Variants in KMT2B observed in about 807,000 individuals in gnomAD.
The protein encoded by KMT2B is histone-lysine N-methyltransferase 2B.
A neutral mutation model predicts 255.3 loss-of-function variants in KMT2B; 22 were observed. The observed-to-expected ratio is 0.09, with a 90% CI of 0.06 to 0.12. KMT2B has a LOEUF of 0.12. KMT2B is among the 10% of genes least tolerant of loss of function. The probability of loss-of-function intolerance (pLI) is 1.00; values close to 1 mark genes in which losing one functional copy is unlikely to be tolerated. For synonymous variants in KMT2B, 1,730 were observed against 1,498.1 expected (o/e 1.15, Z -3.57); for missense variants, 3,149 against 3,737.0 (o/e 0.84, Z 4.10).
At position 35,727,630 on chromosome 19, in the gene KMT2B, G is replaced by T; in HGVS notation, c.4302+8G>T. 6.2e-7 allele frequency: 1 copy of T among 1,610,262 alleles called. No homozygotes were observed. ...CTGCTGCTCTGCACCCAGGTCTGGA[G>T]GGCCCTGGAGGCAGGATGGGCCGGG... On this transcript the variant is annotated splice_region_variant and intron_variant, in intron 16 of 36. Transcript: ENST00000420124. This position sits in a 1 kb window ranked among gnomAD's most constrained non-coding sequence, Gnocchi z 4.2.
At position 35,732,074 on chromosome 19, in the gene KMT2B, C is replaced by T; in HGVS notation, c.5604C>T (p.Pro1868=). ...TTTCGGGGGCTCGAATCAAAGTGCC[C>T]AACTACTCGCCATCCCGGAGGCCCT... The part of the protein sequence containing the change: ...RSFSGARIKV[P]NYSPSRRPLG... The change falls in exon 27 of 37, where the codon CCC becomes CCT. Residue 1868 remains proline (P), a synonymous_variant. Coordinates refer to ENST00000420124, the MANE Select transcript of KMT2B (RefSeq NM_014727.3). 1.2e-6 allele frequency: 2 copies of T among 1,609,898 alleles called. No homozygotes were observed. The highest frequency in any genetic ancestry group is 8.5e-7 in the Non-Finnish European group (1 of 1,178,282).
At chr19:35,729,861 T>C in intron 22 of KMT2B, 106 bp from the exon 23 acceptor site, 2 of 1,170,326 alleles carry the variant, frequency 1.7e-6, no homozygotes, top group Admixed American at 2.2e-5. Flanking sequence ...AGGGAGAGCC[T>C]TTGCCGTGCC....
rs761123223 is a variant in KMT2B at position 35,730,862 on chromosome 19, C to A, written c.5432C>A (p.Ser1811Tyr). ...NQTIVHSPAP[S>Y]SEPPGGEDPP... ...ACCATTGTGCACAGCCCCGCCCCTT[C>A]CTCAGGTGTGGCTTTGGCTCTGTCT... Residue 1811 changes from serine (S) to tyrosine (Y), a missense_variant, in exon 26 of 37, where the codon TCC becomes TAC. Around this residue, in one of 18 missense-constraint regions of KMT2B, gnomAD observed 897 missense variants for 825.3 expected, o/e 1.09. Transcript: ENST00000420124. The A allele has an allele frequency of 6.2e-7, 1 of 1,603,612 alleles. No individual in the cohort carries two copies. The highest frequency in any genetic ancestry group is 1.3e-5 in the African/African-American group (1 of 74,830).
chr19:35,721,615 A>G lies in KMT2B; in HGVS notation c.2268A>G (p.Pro756=), dbSNP rs1969214132. 1.2e-6 allele frequency: 2 copies of G among 1,611,610 alleles called. No individual in the cohort carries two copies. Among genetic ancestry groups the G allele is most frequent in the African/African-American group, 1.3e-5 (1 of 74,818 alleles). Residue 756 remains proline, a synonymous_variant, in exon 3 of 37, where the codon CCA becomes CCG. Transcript: ENST00000420124. ...TCCTGCCCCAGGCACTACCGCCACC[A>G]CAGCCACAGCTGCAGCCACCGCCGT... ...TQLLPQALPP[P]QPQLQPPPSP...
intron 19 of KMT2B, 82 bp downstream of exon 19, chr19:35,728,253 G>A (rs1969548579): frequency 4.9e-6 from 6 of 1,215,154 alleles, no homozygotes; most frequent in Non-Finnish European, 5.9e-6. Flanking sequence ...GGGCTGAGAA[G>A]AGATGAGCAG....
Position 35,719,777 on chromosome 19 carries a change from C to T in KMT2B, c.437-7C>T. On this transcript the variant is annotated splice_region_variant and splice_polypyrimidine_tract_variant and intron_variant, in intron 2 of 36. Coordinates refer to ENST00000420124, the MANE Select transcript of KMT2B (RefSeq NM_014727.3). ...GATCCATCTCCCCACAACTATTCTCCTTTTAGGTCGAGCGCCCCGAGGTCG... is the reference window on the plus strand; with the variant it reads ...GATCCATCTCCCCACAACTATTCTCTTTTTAGGTCGAGCGCCCCGAGGTCG... The T allele has an allele frequency of 1.9e-6, 3 of 1,578,562 alleles. No individual in the cohort carries two copies. Among genetic ancestry groups the T allele is most frequent in the Non-Finnish European group, 2.6e-6 (3 of 1,163,524 alleles).
chr19:35,726,772 TGAG>T (rs1969467727), intron 14 of KMT2B, among the ~76,000 whole-genome samples: 1 of 151,916 alleles, frequency 6.6e-6, no homozygotes, highest in Admixed American at 6.6e-5. Flanking sequence ...TCACCTGAGG[TGAG>T]GAGTTTGAGA....
chr19:35,724,413 G>A lies in KMT2B; in HGVS notation c.3335-224G>A, dbSNP rs558210356. The stretch of plus-strand genomic sequence containing the variant: ...CTCAGGAGGCTGAGGCAGGAGGATC[G>A]TCTGAGCCTGGGAGTTCAAGGCTGC... On this transcript the variant is annotated intron_variant, in intron 8 of 36. Coordinates refer to ENST00000420124, the MANE Select transcript of KMT2B (RefSeq NM_014727.3). Among the ~76,000 whole-genome samples, 33 of 152,288 alleles carry A rather than the reference G, an allele frequency of 2.2e-4. 1 individual carries two copies. The highest frequency in any genetic ancestry group is 2.0e-3 in the Admixed American group (31 of 15,298).
Position 35,737,797 on chromosome 19 carries a change from G to T in KMT2B, c.7658+54G>T. 6.5e-7 allele frequency: 1 copy of T among 1,548,002 alleles called. No individual in the cohort carries two copies. Among genetic ancestry groups the T allele is most frequent in the South Asian group, 1.2e-5 (1 of 84,192 alleles). ...GTGGTCTGGAAGGGTCTTAGAGAGTGAGCAGGGGTGAGAGAGGTCATTCTG... is the reference window on the plus strand; with the variant it reads ...GTGGTCTGGAAGGGTCTTAGAGAGTTAGCAGGGGTGAGAGAGGTCATTCTG... On this transcript the variant is annotated intron_variant, in intron 34 of 36. Coordinates refer to ENST00000420124, the MANE Select transcript of KMT2B (RefSeq NM_014727.3). This position sits in a 1 kb window ranked among gnomAD's most constrained non-coding sequence, Gnocchi z 5.3.
Position 35,724,692 on chromosome 19 carries a change from G to C in KMT2B, c.3390G>C (p.Gln1130His). ...EQSRPRKPTL[Q>H]PVLQLKARRR... The stretch of plus-strand genomic sequence containing the variant: ...GCCGGCCCCGCAAACCTACCCTGCA[G>C]CCTGTGTTGCAGCTCAAGGCCCGAA... The change falls in exon 9 of 37, where the codon CAG becomes CAC. Residue 1130 changes from glutamine (Q) to histidine (H), a missense_variant. Physicochemically the swap from Gln to His is conservative, Grantham distance 24 (BLOSUM62 0). Transcript: ENST00000420124. 6.2e-7 allele frequency: 1 copy of C among 1,601,488 alleles called. No homozygotes were observed. Among genetic ancestry groups the C allele is most frequent in the Non-Finnish European group, 8.5e-7 (1 of 1,174,410 alleles).
intron 8 of KMT2B, 36 bp from the exon 9 acceptor site, chr19:35,724,599 AAG>A (rs1969357811): frequency 6.6e-7 from 1 of 1,516,536 alleles, no homozygotes; most frequent in African/African-American, 1.4e-5. Context: ...AGGGGCGTGG[AAG>A]GGGAGTGACC....
Position 35,723,604 on chromosome 19 carries a change from C to G in KMT2B, c.3058+102C>G. 7.7e-7 allele frequency: 1 copy of G among 1,301,646 alleles called. No individual in the cohort carries two copies. The highest frequency in any genetic ancestry group is 1.1e-6 in the Non-Finnish European group (1 of 948,916). The allele number at this position is 1,301,646 out of a possible 1,614,324, so 80.6% of individuals were successfully genotyped here. A position where few individuals can be genotyped will look rare whatever the true frequency, so the allele number is the denominator to read the frequency against. ...TCTCCTCCCTTGCAGCTCACCCTCTCCATCTTCTCCGTTGTGTGCTTTCAT... is the reference window on the plus strand; with the variant it reads ...TCTCCTCCCTTGCAGCTCACCCTCTGCATCTTCTCCGTTGTGTGCTTTCAT... On this transcript the variant is annotated intron_variant, in intron 7 of 36. Transcript: ENST00000420124. The surrounding 1 kb of genome is among the most constrained non-coding windows in gnomAD (Gnocchi z 7.5).
At position 35,727,298 on chromosome 19, in the gene KMT2B, C is replaced by T. The variant is rs368566411; in HGVS notation, c.4117+29C>T. 3.8e-6 allele frequency: 6 copies of T among 1,594,076 alleles called. No individual in the cohort carries two copies. Among genetic ancestry groups the T allele is most frequent in the Admixed American group, 1.7e-5 (1 of 59,836 alleles). ...AGTCAGTGGAGCACCTGGGCTGCAG[C>T]CTCAACCCTGTGGGGACCCCTGCCC... On this transcript the variant is annotated intron_variant, in intron 15 of 36. Transcript: ENST00000420124. The surrounding 1 kb of genome is among the most constrained non-coding windows in gnomAD (Gnocchi z 4.2).
intron 13 of KMT2B, 54 bp from the exon 14 acceptor site, chr19:35,726,182 A>C: frequency 7.4e-7 from 1 of 1,356,322 alleles, no homozygotes; most frequent in Non-Finnish European, 1.0e-6. Context: ...TCTCCCGCTC[A>C]TGTTGCTCCA....
chr19:35,729,565 C>A (rs1005491581), intron 22 of KMT2B, among the ~76,000 whole-genome samples: 1 of 152,138 alleles, frequency 6.6e-6, no homozygotes, highest in Non-Finnish European at 1.5e-5. Context: ...TGCTGGGTGG[C>A]GTTGAGCTCT....
chr19:35,729,452 C>G (rs1449952725), intron 22 of KMT2B, among the ~76,000 whole-genome samples, 156 bp downstream of exon 22: 4 of 152,222 alleles, frequency 2.6e-5, no homozygotes, highest in African/African-American at 9.6e-5. Context: ...CTGATGGCAG[C>G]TTTTTCCTAT....
rs749880112 is a variant in KMT2B, at chr19:35,733,415, C to T, written c.6866C>T (p.Pro2289Leu). Residue 2289 changes from proline to leucine, a missense_variant, in exon 28 of 37, where the codon CCG (proline) becomes CTG (leucine). Pro to Leu is a moderately conservative substitution (Grantham distance 98, BLOSUM62 -3). Around this residue, in one of 18 missense-constraint regions of KMT2B, gnomAD observed 897 missense variants for 825.3 expected, o/e 1.09. Transcript: ENST00000420124. This position sits in a 1 kb window ranked among gnomAD's most constrained non-coding sequence, Gnocchi z 4.3. ...KRVSTFSGRS[P>L]PAPPPYKAPR... ...GTGTCCACTTTCTCCGGCCGGTCCC[C>T]GCCAGCACCTCCCCCATACAAAGCC... 1.2e-4 allele frequency: 191 copies of T among 1,552,610 alleles called. No individual in the cohort carries two copies. The highest frequency in any genetic ancestry group is 2.3e-4 in the African/African-American group (17 of 73,152).
rs756304412 is a variant in KMT2B at position 35,727,666 on chromosome 19, C to T, written c.4303-32C>T. ...GCAGGATGGGCCGGGGCTAGGCCCA[C>T]CCCCAGCCCTGCTAACTTCCCCGCT... On this transcript the variant is annotated intron_variant, in intron 16 of 36. Transcript: ENST00000420124. This position sits in a 1 kb window ranked among gnomAD's most constrained non-coding sequence, Gnocchi z 4.2. The T allele has an allele frequency of 2.0e-5, 32 of 1,612,460 alleles. No homozygotes were observed. The highest frequency in any genetic ancestry group is 2.7e-5 in the Non-Finnish European group (32 of 1,179,244).
At position 35,737,218 on chromosome 19, in the gene KMT2B, C is replaced by T. The variant is rs201885107; in HGVS notation, c.7505C>T (p.Pro2502Leu). 1.4e-4 allele frequency: 224 copies of T among 1,580,080 alleles called. 1 individual carries two copies. In the African/African-American group the frequency reaches 2.4e-3, roughly 17 times the overall value. ...CAGCAGGGAGAGGGCCAGGAGGAGC[C>T]GCCCCTGAATCCCCATGGGGCTGCT... ...YHQQGEGQEE[P>L]PLNPHGAARA... Residue 2502 changes from proline to leucine, a missense_variant, in exon 33 of 37, where the codon CCG (proline) becomes CTG (leucine). Pro to Leu is a moderately conservative substitution (Grantham distance 98). Around this residue, in one of 18 missense-constraint regions of KMT2B, gnomAD observed 103 missense variants for 200.7 expected, o/e 0.51. Coordinates refer to ENST00000420124, the MANE Select transcript of KMT2B (RefSeq NM_014727.3). This position sits in a 1 kb window ranked among gnomAD's most constrained non-coding sequence, Gnocchi z 5.3.
Sources: allele counts gnomAD v4.1 joint callset (sites outside exome capture counted in the v4.1 genomes callset), GRCh38; gene constraint gnomAD v4.1.1; regional missense constraint gnomAD v4.1.1; non-coding constraint Gnocchi (gnomAD v3.1); transcripts MANE v1.5; gene names NCBI Gene and HGNC (gene_info 2026-07-23, HGNC 2026-07-21).